The following JAKMIP1 variants were observed in gnomAD, a reference collection of about 807,000 sequenced individuals.
JAKMIP1 encodes janus kinase and microtubule-interacting protein 1.
JAKMIP1 carries 33 observed loss-of-function variants against 113.0 expected under a neutral mutation model. The ratio of observed to expected loss-of-function variants is 0.29; its 90% CI spans 0.22 to 0.39. The LOEUF (loss-of-function observed/expected upper bound fraction) is 0.39. JAKMIP1 is among the 10% of genes least tolerant of loss of function. The pLI, the probability that JAKMIP1 is intolerant of heterozygous loss-of-function variation, is 1.00. For synonymous variants in JAKMIP1, 480 were observed against 459.9 expected (o/e 1.04, Z -0.56); for missense variants, 813 against 1,080.5 (o/e 0.75, Z 3.47).
chr4:6,113,666 G>T lies in JAKMIP1; in HGVS notation c.-147-669C>A, dbSNP rs564385243. On this transcript the variant is annotated intron_variant, in intron 1 of 20. Transcript: ENST00000409021. ...ACCTGATCAAGGTCCACAGCTGGAA[G>T]CGGGTGAGCCAGGACTGAGCCTAAT... Among the ~76,000 whole-genome samples the T allele has an allele frequency of 1.2e-4, 18 of 152,354 alleles. No individual in the cohort carries two copies. In the South Asian group the frequency reaches 3.5e-3, roughly 30 times the overall value.
intron 8 of JAKMIP1, among the ~76,000 whole-genome samples, chr4:6,072,952 C>A (rs1314168299): frequency 2.6e-5 from 4 of 151,810 alleles, no homozygotes; most frequent in Non-Finnish European, 2.9e-5. Flanking sequence ...CCTGGTGGCA[C>A]ACTCCCAGCT....
rs1214682937 is a variant in JAKMIP1, at chr4:6,117,690, C to T, written c.-147-4693G>A. Among the ~76,000 whole-genome samples the T allele has an allele frequency of 4.1e-3, 630 of 151,878 alleles. 2 individuals carry two copies. The highest frequency in any genetic ancestry group is 0.015 in the African/African-American group (600 of 41,312). On this transcript the variant is annotated intron_variant, in intron 1 of 20. Transcript: ENST00000409021. ...CTATGGGAGACTGGAGTTTATTTCA[C>T]CTCTGCAATCTTGACCATAAGAGAC...
intron 19 of JAKMIP1, among the ~76,000 whole-genome samples, chr4:6,032,312 G>A (rs6819485): frequency 0.39 from 59,487 of 152,064 alleles, 12,461 homozygotes; most frequent in African/African-American, 0.5. Context: ...TTCTCATTCT[G>A]ATCTTTCTTG....
rs34336314 is a variant in JAKMIP1 at position 6,194,128 on chromosome 4, C to G, written c.-148+6125G>C. Among the ~76,000 whole-genome samples the G allele has an allele frequency of 0.055, 8,322 of 151,808 alleles. 308 individuals carry two copies. Among genetic ancestry groups the G allele is most frequent in the Middle Eastern group, 0.085 (25 of 294 alleles). On this transcript the variant is annotated intron_variant, in intron 1 of 20. Coordinates refer to ENST00000409021, the MANE Select transcript of JAKMIP1 (RefSeq NM_001099433.2). The surrounding 1 kb of genome is among the most constrained non-coding windows in gnomAD (Gnocchi z 7.4). Reference sequence around the variant, plus strand: ...AGACAGAGGGCAGATGGATGGATGCCGGGGCTGGGAGAGGGGAAGTGAGGA... The same window carrying G: ...AGACAGAGGGCAGATGGATGGATGCGGGGGCTGGGAGAGGGGAAGTGAGGA...
chr4:6,152,803 T>TAC, intron 1 of JAKMIP1, among the ~76,000 whole-genome samples: 1 of 121,062 alleles, frequency 8.3e-6, no homozygotes, highest in African/African-American at 4.0e-5. Flanking sequence ...TATATATATA[T>TAC]ATATATACAT....
rs1438688596 is a variant in JAKMIP1 at position 6,086,021 on chromosome 4, T to C, written c.625-392A>G. On this transcript the variant is annotated intron_variant, in intron 3 of 20. Coordinates refer to ENST00000409021, the MANE Select transcript of JAKMIP1 (RefSeq NM_001099433.2). This position sits in a 1 kb window ranked among gnomAD's most constrained non-coding sequence, Gnocchi z 4.1. ...CTCCAGGACCATGTCTCCCTCTCAG[T>C]CATTGACCCTCTCCTGCCTGGCCAC... is the stretch of plus-strand genomic sequence containing the variant. 6.6e-6 allele frequency among the ~76,000 whole-genome samples: 1 copy of C among 151,896 alleles called. No individual in the cohort carries two copies. The highest frequency in any genetic ancestry group is 1.5e-5 in the Non-Finnish European group (1 of 67,946).
intron 4 of JAKMIP1, 49 bp from the exon 5 acceptor site, chr4:6,085,014 T>C: frequency 6.6e-7 from 1 of 1,523,738 alleles, no homozygotes; most frequent in South Asian, 1.3e-5. Flanking sequence ...TAAATGTACT[T>C]TGAAGAAGTT....
In JAKMIP1 at chr4:6,039,150, A is replaced by G. The variant is rs2108753734; in HGVS notation, c.2175+1489T>C. Among the ~76,000 whole-genome samples the G allele has an allele frequency of 2.6e-5, 4 of 152,320 alleles. No individual in the cohort carries two copies. In the Middle Eastern group the frequency reaches 0.014, roughly 518 times the overall value. The stretch of plus-strand genomic sequence containing the variant: ...GTAGCTTCTGTATGGTGGCAGAACC[A>G]GCATGCAGGGGCCTCTTCTGCAGAT... On this transcript the variant is annotated intron_variant, in intron 18 of 20. Transcript: ENST00000409021.
chr4:6,157,562 A>G lies in JAKMIP1; in HGVS notation c.-148+42691T>C, dbSNP rs6812363. ...TCCATCATTTTCCTAACTTTTTCAT[A>G]AGCCACTGGCACAGACCATCACAAC... On this transcript the variant is annotated intron_variant, in intron 1 of 20. Coordinates refer to ENST00000409021, the MANE Select transcript of JAKMIP1 (RefSeq NM_001099433.2). The surrounding 1 kb of genome is among the most constrained non-coding windows in gnomAD (Gnocchi z 4.7). Among the ~76,000 whole-genome samples the G allele has an allele frequency of 0.024, 3,636 of 152,268 alleles. 156 individuals are homozygous for G. The highest frequency in any genetic ancestry group is 0.083 in the African/African-American group (3,443 of 41,524).
At chr4:6,173,390 C>T (rs1231658121) in intron 1 of JAKMIP1, among the ~76,000 whole-genome samples, 3 of 152,192 alleles carry the variant, frequency 2.0e-5, no homozygotes, top group Non-Finnish European at 2.9e-5. Context: ...AAACAAACTT[C>T]GTCAAAAGCC....
At chr4:6,083,906 C>T (rs1052006993) in intron 5 of JAKMIP1, among the ~76,000 whole-genome samples, 13 of 152,092 alleles carry the variant, frequency 8.5e-5, no homozygotes, top group African/African-American at 1.9e-4. Flanking sequence ...ACCAGAAGTC[C>T]ATGTTCATTA....
chr4:6,080,286 A>T lies in JAKMIP1; in HGVS notation c.1128T>A (p.Ser376=), dbSNP rs112855285. The T allele has an allele frequency of 1.2e-6, 2 of 1,614,176 alleles. No homozygotes were observed. The highest frequency in any genetic ancestry group is 1.7e-6 in the Non-Finnish European group (2 of 1,180,000). ...EMKEKLSAQA[S]LKRHTSLNDL... ...CATTCAAGGAGGTATGCCGCTTCAG[A>T]GACGCCTGCGCTGACAGCTTTTCTT... The change falls in exon 7 of 21, where the codon TCT becomes TCA. Residue 376 remains serine (S), a synonymous_variant. Transcript: ENST00000409021. This position sits in a 1 kb window ranked among gnomAD's most constrained non-coding sequence, Gnocchi z 6.0.
Position 6,118,595 on chromosome 4 carries a change from C to T in JAKMIP1, c.-147-5598G>A, listed in dbSNP as rs144371349. Among the ~76,000 whole-genome samples the T allele has an allele frequency of 4.6e-3, 695 of 152,290 alleles. 1 individual carries two copies. The highest frequency in any genetic ancestry group is 0.01 in the Middle Eastern group (3 of 294). ...CCACGATGCCCACCACCAATATCTG[C>T]CCATGCACTGGGTGCAAGGCCTTGT... is the stretch of plus-strand genomic sequence containing the variant. On this transcript the variant is annotated intron_variant, in intron 1 of 20. Coordinates refer to ENST00000409021, the MANE Select transcript of JAKMIP1 (RefSeq NM_001099433.2).
chr4:6,066,905 G>C lies in JAKMIP1; in HGVS notation c.1303-1897C>G, dbSNP rs993824309. Among the ~76,000 whole-genome samples the C allele has an allele frequency of 3.3e-5, 5 of 151,314 alleles. No individual in the cohort carries two copies. In the East Asian group the frequency reaches 9.8e-4, roughly 30 times the overall value. Reference sequence around the variant, plus strand: ...CTCTCCTCCTCCGCTCCAGGCTTCTGCACCCCACACACACCTGCCATGGGG... The same window carrying C: ...CTCTCCTCCTCCGCTCCAGGCTTCTCCACCCCACACACACCTGCCATGGGG... On this transcript the variant is annotated intron_variant, in intron 8 of 20. Transcript: ENST00000409021.
intron 11 of JAKMIP1, among the ~76,000 whole-genome samples, chr4:6,060,054 A>G (rs1274506900): frequency 6.6e-6 from 1 of 152,204 alleles, no homozygotes; most frequent in Non-Finnish European, 1.5e-5. Context: ...AGGGTTAGTC[A>G]TGGGTGCTGG....
At position 6,031,373 on chromosome 4, in the gene JAKMIP1, C is replaced by T. The variant is rs141782093; in HGVS notation, c.2380-1592G>A. ...TGGAGGTTGCGGTGAGCTGAGATCG[C>T]GCCATTGCACTCCAGCCTGGGTGAC... On this transcript the variant is annotated intron_variant, in intron 19 of 20. Coordinates refer to ENST00000409021, the MANE Select transcript of JAKMIP1 (RefSeq NM_001099433.2). This position sits in a 1 kb window ranked among gnomAD's most constrained non-coding sequence, Gnocchi z 4.4. Among the ~76,000 whole-genome samples, 3,089 of 152,122 alleles carry T rather than the reference C, an allele frequency of 0.02. 112 individuals carry two copies. The highest frequency in any genetic ancestry group is 0.07 in the African/African-American group (2,914 of 41,488).
chr4:6,082,679 AT>A (rs1720757403), intron 5 of JAKMIP1, among the ~76,000 whole-genome samples: 1 of 151,974 alleles, frequency 6.6e-6, no homozygotes, highest in Non-Finnish European at 1.5e-5. Flanking sequence ...ATTTTTTTGT[AT>A]TTTTAGAGAT....
chr4:6,078,760 C>G (rs1438400519), intron 8 of JAKMIP1, among the ~76,000 whole-genome samples, 179 bp downstream of exon 8: 1 of 152,108 alleles, frequency 6.6e-6, no homozygotes, highest in Non-Finnish European at 1.5e-5. Context: ...TCACATGACA[C>G]GGCCATATTT....
In JAKMIP1 at chr4:6,138,242, A is replaced by ATTTATT. The variant is rs1352715185; in HGVS notation, c.-147-25251_-147-25246dup. 1.3e-5 allele frequency among the ~76,000 whole-genome samples: 2 copies of ATTTATT among 151,750 alleles called. No individual in the cohort carries two copies. Among genetic ancestry groups the ATTTATT allele is most frequent in the Non-Finnish European group, 2.9e-5 (2 of 67,958 alleles). ...CAGAACCCAAGTTAATTTAATTTTTATTTATTTTTATTTTTATTTTTTTGA... is the reference window on the plus strand; with the variant it reads ...CAGAACCCAAGTTAATTTAATTTTTATTTATTTTTATTTTTATTTTTATTTTTTTGA... On this transcript the variant is annotated intron_variant, in intron 1 of 20. Coordinates refer to ENST00000409021, the MANE Select transcript of JAKMIP1 (RefSeq NM_001099433.2). This position sits in a 1 kb window ranked among gnomAD's most constrained non-coding sequence, Gnocchi z 6.0.
Sources: gnomAD v4.1 joint callset for allele counts (sites outside exome capture counted in the v4.1 genomes callset) on GRCh38, gnomAD v4.1.1 for gene constraint, Gnocchi (gnomAD v3.1) non-coding constraint, MANE v1.5 for transcripts, NCBI Gene and HGNC (gene_info 2026-07-23, HGNC 2026-07-21) for gene names.